Variants in ZNF718 observed in about 807,000 individuals in gnomAD.
ZNF718 encodes zinc finger protein 718.
ZNF718 carries 3 observed loss-of-function variants against 2.6 expected under a neutral mutation model. That is an observed-to-expected ratio of 1.16 (90% CI 0.53 to 3.01). ZNF718 has a LOEUF of 3.01. ZNF718 is among the 30% of genes most tolerant of loss of function. The probability of loss-of-function intolerance (pLI) is 0.03; values close to 1 mark genes in which losing one functional copy is unlikely to be tolerated. For synonymous variants in ZNF718, 135 were observed against 77.9 expected (o/e 1.73, Z -3.86); for missense variants, 468 against 230.0 (o/e 2.03, Z -6.69).
chr4:193,904 G>T (rs1336924832), intron 3 of ZNF718, among the ~76,000 whole-genome samples: 4 of 152,178 alleles, frequency 2.6e-5, no homozygotes, highest in Non-Finnish European at 5.9e-5. Context: ...CATGGACAAG[G>T]GGGTGGATTA....
chr4:176,608 T>C (rs571321395), intron 3 of ZNF718, among the ~76,000 whole-genome samples: 34 of 152,278 alleles, frequency 2.2e-4, no homozygotes, highest in Admixed American at 7.8e-4. Context: ...ATATTTTAAC[T>C]CCTGAACCAT....
chr4:172,255 A>G (rs1367800961), intron 3 of ZNF718, among the ~76,000 whole-genome samples: 1 of 152,154 alleles, frequency 6.6e-6, no homozygotes, highest in African/African-American at 2.4e-5. Context: ...ACTTGGCATA[A>G]TGTACTCTAA....
At chr4:141,827 T>A (rs1433246666) in intron 3 of ZNF718, among the ~76,000 whole-genome samples, 1 of 152,124 alleles carries the variant, frequency 6.6e-6, no homozygotes, top group African/African-American at 2.4e-5. Context: ...AACAATACAA[T>A]ACAATTAAAG....
At chr4:189,362 ACTTG>A (rs1475429293) in intron 3 of ZNF718, among the ~76,000 whole-genome samples, 1 of 152,138 alleles carries the variant, frequency 6.6e-6, no homozygotes, top group African/African-American at 2.4e-5. Context: ...AAGTATGTGT[ACTTG>A]CTTTTAAAAA....
intron 3 of ZNF718, among the ~76,000 whole-genome samples, chr4:157,077 T>G (rs1401763956): frequency 3.3e-5 from 5 of 151,428 alleles, no homozygotes; most frequent in Non-Finnish European, 7.4e-5. Context: ...GTTTTTCTTT[T>G]TTTCTTTTTG....
rs1418072997 is a variant in ZNF718 at position 133,075 on chromosome 4, G to T, written c.226+1570G>T. Among the ~76,000 whole-genome samples the T allele has an allele frequency of 5.4e-5, 5 of 93,202 alleles. 2 individuals carry two copies. Among genetic ancestry groups the T allele is most frequent in the Non-Finnish European group, 1.2e-4 (5 of 43,220 alleles). 61.1% of individuals were successfully genotyped at this position (93,202 alleles called of 152,430 possible). On this transcript the variant is annotated intron_variant, in intron 3 of 3. Transcript: ENST00000510175. ...ACCTGTAATCCCAGCTACTTGGGAG[G>T]CTGAGGTAGGAGAATTGCTTGACCC... is the stretch of plus-strand genomic sequence containing the variant.
At chr4:181,897 T>C (rs760105596) in intron 3 of ZNF718, among the ~76,000 whole-genome samples, 1 of 152,166 alleles carries the variant, frequency 6.6e-6, no homozygotes, top group Non-Finnish European at 1.5e-5. Flanking sequence ...CTCCCACCTA[T>C]AAGTGAGAAC....
In ZNF718 at chr4:148,785, A is replaced by G. The variant is rs555336886; in HGVS notation, c.227-12127A>G. Among the ~76,000 whole-genome samples, 11 of 152,262 alleles carry G rather than the reference A, an allele frequency of 7.2e-5. No individual in the cohort carries two copies. The East Asian group carries it at 1.7e-3, about 24-fold the overall frequency. On this transcript the variant is annotated intron_variant, in intron 3 of 3. Coordinates refer to ENST00000510175, the MANE Select transcript of ZNF718 (RefSeq NM_001039127.6). ...AATTTATAGATCACAGGCAGGACCA[A>G]CATGTCAAGGCCTTTCACCTGAGAC...
At chr4:152,273 C>T (rs1716358829) in intron 3 of ZNF718, among the ~76,000 whole-genome samples, 2 of 139,706 alleles carry the variant, frequency 1.4e-5, no homozygotes, top group Admixed American at 1.5e-4. Context: ...TACTAATCCT[C>T]CTCAGCACAG....
intron 3 of ZNF718, among the ~76,000 whole-genome samples, chr4:177,609 TCA>T (rs1717376212): frequency 6.6e-6 from 1 of 152,150 alleles, no homozygotes. Context: ...CTAGAAACTC[TCA>T]GAGTTCAAAT....
Position 131,455 on chromosome 4 carries a change from GA to G in ZNF718, c.180del (p.Glu61SerfsTer5). 1 of 530,838 alleles carries G rather than the reference GA, an allele frequency of 1.9e-6. No individual in the cohort carries two copies. Among genetic ancestry groups the G allele is most frequent in the Non-Finnish European group, 3.0e-6 (1 of 337,282 alleles). The allele number at this position is 530,838 out of a possible 1,614,324, so 32.9% of individuals were successfully genotyped here. Reference sequence around the variant, plus strand: ...GACCTGGTCACCAGTCTGGAGCAAAGAAAAGAGCCCTACAATTTGAAGATAC... The same window carrying G: ...GACCTGGTCACCAGTCTGGAGCAAAGAAAGAGCCCTACAATTTGAAGATAC... ...NPDLVTSLEQ[R>X]KEPYNLKIHE... On this transcript the variant is annotated frameshift_variant, in exon 3 of 4. Coordinates refer to ENST00000510175, the MANE Select transcript of ZNF718 (RefSeq NM_001039127.6). LOFTEE classifies it low-confidence loss of function (END_TRUNC).
chr4:184,765 T>C (rs1717535061), intron 3 of ZNF718, among the ~76,000 whole-genome samples: 1 of 152,140 alleles, frequency 6.6e-6, no homozygotes, highest in African/African-American at 2.4e-5. Flanking sequence ...CAGGAATGTG[T>C]TTATTTATTC....
chr4:140,127 C>T (rs186555526), intron 3 of ZNF718, among the ~76,000 whole-genome samples: 19 of 152,180 alleles, frequency 1.2e-4, no homozygotes, highest in Admixed American at 3.9e-4. Flanking sequence ...CTAAATTCTT[C>T]CCTTACCGTA....
chr4:124,859 C>T (rs573315946), intron 1 of ZNF718, 186 bp downstream of exon 1: 12 of 681,896 alleles, frequency 1.8e-5, no homozygotes, highest in African/African-American at 1.1e-4. Context: ...CTGCAGCCCT[C>T]CTTGTGCAGC....
intron 3 of ZNF718, among the ~76,000 whole-genome samples, chr4:178,839 G>A (rs1296805645): frequency 6.6e-6 from 1 of 152,048 alleles, no homozygotes; most frequent in Non-Finnish European, 1.5e-5. Flanking sequence ...CCATCTCCTG[G>A]TTGGCATTTG....
chr4:177,053 T>G (rs2108812194), intron 3 of ZNF718, among the ~76,000 whole-genome samples: 1 of 152,328 alleles, frequency 6.6e-6, no homozygotes, highest in South Asian at 2.1e-4. Context: ...TCCATTGTTC[T>G]GGGTGATGCT....
chr4:131,624 G>T lies in ZNF718; in HGVS notation c.226+119G>T, dbSNP rs1309167877. ...ACCGTGGCTCACGCCTGTAATCCCAGCACTTTGGGAGGCCGAGGTGGGTGG... is the reference window on the plus strand; with the variant it reads ...ACCGTGGCTCACGCCTGTAATCCCATCACTTTGGGAGGCCGAGGTGGGTGG... On this transcript the variant is annotated intron_variant, in intron 3 of 3. Coordinates refer to ENST00000510175, the MANE Select transcript of ZNF718 (RefSeq NM_001039127.6). The T allele has an allele frequency of 1.4e-5, 3 of 213,266 alleles. 1 individual carries two copies. Among genetic ancestry groups the T allele is most frequent in the African/African-American group, 3.0e-5 (1 of 33,558 alleles). The allele number at this position is 213,266 out of a possible 1,614,324, so 13.2% of individuals were successfully genotyped here. A position where few individuals can be genotyped will look rare whatever the true frequency, so the allele number is the denominator to read the frequency against.
downstream of ZNF718, among the ~76,000 whole-genome samples, chr4:164,298 G>A (rs951391082): frequency 1.3e-5 from 2 of 151,990 alleles, no homozygotes; most frequent in African/African-American, 4.8e-5. Flanking sequence ...CCAAGCAATT[G>A]TGTTTGGAAA....
rs782128255 is a variant in ZNF718 at position 161,481 on chromosome 4, C to A, written c.796C>A (p.Gln266Lys). 1.3e-6 allele frequency: 1 copy of A among 779,016 alleles called. No individual in the cohort carries two copies. Among genetic ancestry groups the A allele is most frequent in the South Asian group, 1.3e-5 (1 of 74,494 alleles). 48.3% of individuals were successfully genotyped at this position (779,016 alleles called of 1,614,324 possible). Residue 266 changes from glutamine (Q) to lysine (K), a missense_variant, in exon 4 of 4, where the codon CAA becomes AAA. Gln to Lys is a moderately conservative substitution (Grantham distance 53, BLOSUM62 1). Transcript: ENST00000510175. ...TGAAAAATGTGGTAAAGCTTTTAAC[C>A]AATCCTCAACCCTTAATTTACATAA... ...ICEKCGKAFN[Q>K]SSTLNLHKRI...
Sources: allele counts gnomAD v4.1 joint callset (sites outside exome capture counted in the v4.1 genomes callset), GRCh38; gene constraint gnomAD v4.1.1; transcripts MANE v1.5; gene names NCBI Gene and HGNC (gene_info 2026-07-23, HGNC 2026-07-21).